The following GFOD2 variants were observed in gnomAD, a reference collection of about 807,000 sequenced individuals.
The protein encoded by GFOD2 is Gfo/Idh/MocA-like oxidoreductase domain containing 2.
GFOD2 carries 9 observed loss-of-function variants against 24.6 expected under a neutral mutation model. The observed-to-expected ratio is 0.37, with a 90% CI of 0.22 to 0.64. The LOEUF (loss-of-function observed/expected upper bound fraction) is 0.64. Among genes scored for constraint, GFOD2 ranks in the 30% least tolerant of loss-of-function variants. GFOD2 has a pLI of 0.65. For missense variants in GFOD2, 476 were observed against 532.5 expected (o/e 0.89, Z 1.04); for synonymous variants, 211 against 224.8 (o/e 0.94, Z 0.55).
At chr16:67,681,379 T>C (rs1437015956) in intron 2 of GFOD2, 2 of 985,164 alleles carry the variant, frequency 2.0e-6, no homozygotes, top group African/African-American at 3.5e-5. Context: ...CCTCAAGAGG[T>C]GAGGAAAGAG....
Position 67,675,086 on chromosome 16 carries a change from C to G in GFOD2, c.*69G>C. ...ACACTGTCTCTGCTAGGGCCAAGTC[C>G]CTGTCATGTCTGGCTCCTGTTCCCC... On this transcript the variant is annotated 3_prime_UTR_variant, in exon 3 of 3. Transcript: ENST00000268797. 1 of 1,496,390 alleles carries G rather than the reference C, an allele frequency of 6.7e-7. No homozygotes were observed. 92.7% of individuals were successfully genotyped at this position (1,496,390 alleles called of 1,614,324 possible).
At chr16:67,681,106 G>A in intron 2 of GFOD2, 1 of 985,478 alleles carries the variant, frequency 1.0e-6, no homozygotes. Flanking sequence ...ACAGTTCTGG[G>A]GGTGAATTTT....
chr16:67,682,649 T>C (rs928025985), intron 2 of GFOD2: 2 of 985,182 alleles, frequency 2.0e-6, no homozygotes, highest in Non-Finnish European at 2.4e-6. Flanking sequence ...AAAAGTATTA[T>C]CTCTGGAAGG....
chr16:67,687,159 AAAAAG>A (rs1004755080), intron 1 of GFOD2, among the ~76,000 whole-genome samples: 10 of 151,638 alleles, frequency 6.6e-5, no homozygotes, highest in South Asian at 2.1e-4. Context: ...AAAAAAAAAA[AAAAAG>A]AAAAGAAAAA....
chr16:67,685,330 T>C, intron 2 of GFOD2, 127 bp downstream of exon 2: 1 of 1,500,100 alleles, frequency 6.7e-7, no homozygotes, highest in South Asian at 1.3e-5. Flanking sequence ...GGACAAGTGA[T>C]GTCCCAGAGT....
At chr16:67,713,540 G>C (rs919592979) in intron 1 of GFOD2, among the ~76,000 whole-genome samples, 5 of 152,164 alleles carry the variant, frequency 3.3e-5, no homozygotes, top group African/African-American at 9.7e-5. Context: ...CTACAGACTG[G>C]AGATCCTATG....
chr16:67,712,293 CTCCCCCTCTCCCT>C (rs1306580888), intron 1 of GFOD2, among the ~76,000 whole-genome samples: 2 of 114,606 alleles, frequency 1.7e-5, no homozygotes, highest in African/African-American at 6.7e-5. Flanking sequence ...CCCCCTCCCC[CTCCCCCTCTCCCT>C]CTCCCTCCAC....
At chr16:67,680,701 G>A (rs763146461) in intron 2 of GFOD2, 9 of 981,668 alleles carry the variant, frequency 9.2e-6, no homozygotes, top group Non-Finnish European at 1.1e-5. Context: ...AAGGAACAAG[G>A]CATGTGGATT....
intron 1 of GFOD2, among the ~76,000 whole-genome samples, chr16:67,702,536 CTGTTA>C (rs2053409765): frequency 1.3e-5 from 2 of 149,804 alleles, no homozygotes; most frequent in South Asian, 2.1e-4. Context: ...GCCCTACGCT[CTGTTA>C]TAAGGCCCAG....
rs570369990 is a variant in GFOD2, at chr16:67,684,852, C to T, written c.259+605G>A. 341 of 989,186 alleles carry T rather than the reference C, an allele frequency of 3.4e-4. No individual in the cohort carries two copies. The African/African-American group carries it at 5.7e-3, about 17-fold the overall frequency. The allele number at this position is 989,186 out of a possible 1,614,324, so 61.3% of individuals were successfully genotyped here. On this transcript the variant is annotated intron_variant, in intron 2 of 2. Coordinates refer to ENST00000268797, the MANE Select transcript of GFOD2 (RefSeq NM_030819.4). ...TAGGAGAACAGCTCAGCAGGCCATGCCCAGTCAGGGGCAAGAGGTTACCAA... is the reference window on the plus strand; with the variant it reads ...TAGGAGAACAGCTCAGCAGGCCATGTCCAGTCAGGGGCAAGAGGTTACCAA...
At chr16:67,698,708 A>G (rs2053376452) in intron 1 of GFOD2, among the ~76,000 whole-genome samples, 1 of 152,100 alleles carries the variant, frequency 6.6e-6, no homozygotes, top group Admixed American at 6.6e-5. Context: ...CGAACTCCTG[A>G]CCTCTGGTGA....
chr16:67,717,042 G>T (rs997186999), intron 1 of GFOD2, among the ~76,000 whole-genome samples: 11 of 152,024 alleles, frequency 7.2e-5, no homozygotes, highest in Non-Finnish European at 1.3e-4. Flanking sequence ...GATTACAGGC[G>T]TGCACCACCA....
intron 1 of GFOD2, among the ~76,000 whole-genome samples, chr16:67,713,403 C>A (rs62059344): frequency 0.23 from 34,572 of 152,056 alleles, 4,846 homozygotes; most frequent in South Asian, 0.32. Flanking sequence ...TCAATTCTGA[C>A]GATATCTACC....
At chr16:67,694,161 A>AT (rs994774197) in intron 1 of GFOD2, among the ~76,000 whole-genome samples, 4 of 151,824 alleles carry the variant, frequency 2.6e-5, no homozygotes, top group Non-Finnish European at 5.9e-5. Context: ...CACCTGGCTA[A>AT]TTTTTTTGTA....
In GFOD2 at chr16:67,674,914, C is replaced by A. The variant is rs754653511; in HGVS notation, c.*241G>T. 3 of 512,054 alleles carry A rather than the reference C, an allele frequency of 5.9e-6. No homozygotes were observed. The highest frequency in any genetic ancestry group is 1.0e-5 in the Non-Finnish European group (3 of 288,528). 31.7% of individuals were successfully genotyped at this position (512,054 alleles called of 1,614,324 possible). ...ACTCACTGGCATCACCATGAGGAGGCCTGGCGGCAGCTCTGCCCTGTGCAC... is the reference window on the plus strand; with the variant it reads ...ACTCACTGGCATCACCATGAGGAGGACTGGCGGCAGCTCTGCCCTGTGCAC... On this transcript the variant is annotated 3_prime_UTR_variant, in exon 3 of 3. Transcript: ENST00000268797.
At chr16:67,680,633 C>T (rs1193015391) in intron 2 of GFOD2, 1 of 645,202 alleles carries the variant, frequency 1.5e-6, no homozygotes, top group African/African-American at 2.0e-5. Flanking sequence ...GTCATTTGTA[C>T]TTATGGGCAT....
At chr16:67,683,232 G>A in intron 2 of GFOD2, 3 of 1,068,302 alleles carry the variant, frequency 2.8e-6, no homozygotes, top group Non-Finnish European at 3.4e-6. Flanking sequence ...AGCATACCAA[G>A]AACCAGAAAA....
At position 67,685,566 on chromosome 16, in the gene GFOD2, G is replaced by A. The variant is rs375795923; in HGVS notation, c.150C>T (p.Ile50=). The A allele has an allele frequency of 4.5e-5, 72 of 1,614,014 alleles. No homozygotes were observed. The highest frequency in any genetic ancestry group is 5.3e-5 in the Non-Finnish European group (62 of 1,180,030). ...CATCAGTCCGGCTGGTGTAGAAGGC[G>A]ATGTTCATCTCCTCAGCAAGCTGCT... ...EAKQLAEEMN[I]AFYTSRTDDI... The change falls in exon 2 of 3, where the codon ATC becomes ATT. Residue 50 remains isoleucine (I), a synonymous_variant. Transcript: ENST00000268797.
At chr16:67,681,713 ATAAC>A (rs1433156564) in intron 2 of GFOD2, 2 of 985,158 alleles carry the variant, frequency 2.0e-6, no homozygotes, top group Non-Finnish European at 2.4e-6. Flanking sequence ...CCAACCCTGA[ATAAC>A]AGCACTCTTA....
Sources: allele counts gnomAD v4.1 joint callset (sites outside exome capture counted in the v4.1 genomes callset), GRCh38; gene constraint gnomAD v4.1.1; transcripts MANE v1.5; gene names NCBI Gene and HGNC (gene_info 2026-07-23, HGNC 2026-07-21).